Variants in SPRYD7 observed in about 807,000 individuals in gnomAD.
The protein encoded by SPRYD7 is SPRY domain containing 7.
In SPRYD7, 14 loss-of-function variants were observed where a neutral mutation model predicts 23.8. That is an observed-to-expected ratio of 0.59 (90% CI 0.39 to 0.92). The LOEUF is 0.92. SPRYD7 is among the 40% of genes least tolerant of loss of function. The pLI, the probability that SPRYD7 is intolerant of heterozygous loss-of-function variation, is 0.00. For missense variants in SPRYD7, 194 were observed against 241.7 expected (o/e 0.80, Z 1.31); for synonymous variants, 75 against 84.9 (o/e 0.88, Z 0.64).
intron 1 of SPRYD7, among the ~76,000 whole-genome samples, chr13:49,934,893 T>C (rs1279934763): frequency 6.6e-6 from 1 of 152,248 alleles, no homozygotes; most frequent in Non-Finnish European, 1.5e-5. Flanking sequence ...TGCCACCTGA[T>C]AATTGCTTAA....
chr13:49,922,619 T>C (rs1439464080), intron 3 of SPRYD7, among the ~76,000 whole-genome samples: 1 of 152,166 alleles, frequency 6.6e-6, no homozygotes. Context: ...CTTTAAACAC[T>C]TGCTCTTAAT....
intron 4 of SPRYD7, among the ~76,000 whole-genome samples, chr13:49,917,863 A>T (rs1289069898): frequency 1.3e-5 from 2 of 152,230 alleles, no homozygotes; most frequent in African/African-American, 4.8e-5. Context: ...GTTTTAAAAC[A>T]CACATTTACA....
At chr13:49,927,851 C>A (rs1419006542) in intron 3 of SPRYD7, 68 bp downstream of exon 3, 3 of 1,534,092 alleles carry the variant, frequency 2.0e-6, no homozygotes, top group Non-Finnish European at 2.7e-6. Context: ...CCAGACAAAG[C>A]TGTAGATACT....
chr13:49,933,329 G>A (rs1026582815), intron 1 of SPRYD7, among the ~76,000 whole-genome samples: 1 of 152,160 alleles, frequency 6.6e-6, no homozygotes, highest in African/African-American at 2.4e-5. Context: ...GGCCAGGCGA[G>A]GTGGCTAACA....
At chr13:49,926,249 T>A (rs1221123393) in intron 3 of SPRYD7, among the ~76,000 whole-genome samples, 1 of 152,248 alleles carries the variant, frequency 6.6e-6, no homozygotes, top group Non-Finnish European at 1.5e-5. Context: ...TCTGTCACAC[T>A]GTGCTATCAG....
At chr13:49,916,591 C>T (rs1955754268) in intron 4 of SPRYD7, among the ~76,000 whole-genome samples, 1 of 150,662 alleles carries the variant, frequency 6.6e-6, no homozygotes, top group African/African-American at 2.4e-5. Context: ...ACATGTACCC[C>T]CGAACCTAAA....
At chr13:49,936,040 A>G in intron 1 of SPRYD7, 90 bp downstream of exon 1, 5 of 442,090 alleles carry the variant, frequency 1.1e-5, no homozygotes, top group East Asian at 8.1e-5. Flanking sequence ...GCGGCGGGGC[A>G]GCGTGGGGAC....
intron 4 of SPRYD7, among the ~76,000 whole-genome samples, chr13:49,915,899 A>G (rs970464209): frequency 6.6e-6 from 1 of 152,244 alleles, no homozygotes; most frequent in African/African-American, 2.4e-5. Flanking sequence ...TACAGCATAA[A>G]TGAATCTTCA....
intron 2 of SPRYD7, among the ~76,000 whole-genome samples, chr13:49,928,414 C>G (rs1014520628): frequency 6.6e-6 from 1 of 152,142 alleles, no homozygotes; most frequent in African/African-American, 2.4e-5. Flanking sequence ...TGCACTCCAG[C>G]CTGAGCGACA....
intron 4 of SPRYD7, among the ~76,000 whole-genome samples, chr13:49,917,173 G>A (rs184350299): frequency 2.1e-4 from 32 of 151,918 alleles, no homozygotes; most frequent in Admixed American, 7.9e-4. Flanking sequence ...GCATGATCTC[G>A]GCTCACTGCA....
intron 3 of SPRYD7, 102 bp from the exon 4 acceptor site, chr13:49,921,682 A>G: frequency 2.9e-6 from 2 of 685,340 alleles, no homozygotes; most frequent in South Asian, 3.5e-5. Flanking sequence ...GCTGACAACA[A>G]TTTTCATTAA....
At chr13:49,921,614 G>T in intron 3 of SPRYD7, 34 bp from the exon 4 acceptor site, 2 of 1,350,494 alleles carry the variant, frequency 1.5e-6, no homozygotes, top group Non-Finnish European at 2.1e-6. Flanking sequence ...TTCCATAAAA[G>T]CTGAGCCGTC....
Position 49,914,859 on chromosome 13 carries a change from C to T in SPRYD7, c.*204G>A. The T allele has an allele frequency of 6.9e-6, 2 of 291,628 alleles. No homozygotes were observed. Among genetic ancestry groups the T allele is most frequent in the Non-Finnish European group, 1.3e-5 (2 of 151,362 alleles). The allele number at this position is 291,628 out of a possible 1,614,324, so 18.1% of individuals were successfully genotyped here. On this transcript the variant is annotated 3_prime_UTR_variant, in exon 5 of 5. Coordinates refer to ENST00000361840, the MANE Select transcript of SPRYD7 (RefSeq NM_020456.4). ...ATTTAAATAAGAATTAAATAAACTGCCCAAATGCTTATTTTCATTTCACAA... is the reference window on the plus strand; with the variant it reads ...ATTTAAATAAGAATTAAATAAACTGTCCAAATGCTTATTTTCATTTCACAA...
intron 3 of SPRYD7, among the ~76,000 whole-genome samples, chr13:49,923,512 G>A (rs1955843183): frequency 6.6e-6 from 1 of 152,228 alleles, no homozygotes; most frequent in Non-Finnish European, 1.5e-5. Flanking sequence ...CCAAAATGCG[G>A]AGATTACAGG....
At position 49,914,227 on chromosome 13, in the gene SPRYD7, T is replaced by G. The variant is rs1169229869; in HGVS notation, c.*836A>C. 2 of 153,810 alleles carry G rather than the reference T, an allele frequency of 1.3e-5. No individual in the cohort carries two copies. The highest frequency in any genetic ancestry group is 4.8e-5 in the African/African-American group (2 of 41,480). 9.5% of individuals were successfully genotyped at this position (153,810 alleles called of 1,614,324 possible). ...ATAATCACGGGTGATGTGAATTTAG[T>G]GTATAACTAACAAAATAGGAAGAAT... On this transcript the variant is annotated 3_prime_UTR_variant, in exon 5 of 5. Transcript: ENST00000361840.
At chr13:49,923,393 G>A (rs908969507) in intron 3 of SPRYD7, among the ~76,000 whole-genome samples, 20 of 152,090 alleles carry the variant, frequency 1.3e-4, no homozygotes, top group African/African-American at 3.9e-4. Flanking sequence ...ACAGGCGCCC[G>A]CCACCATGCC....
Position 49,931,009 on chromosome 13 carries a change from T to C in SPRYD7, c.223+9A>G. On this transcript the variant is annotated intron_variant, in intron 2 of 4. Transcript: ENST00000361840. Reference sequence around the variant, plus strand: ...AGGACTTTTAATAGTAAAGTACCATTATACCAACCTGTGGACTGGATTTTG... The same window carrying C: ...AGGACTTTTAATAGTAAAGTACCATCATACCAACCTGTGGACTGGATTTTG... The C allele has an allele frequency of 1.3e-6, 2 of 1,571,878 alleles. No individual in the cohort carries two copies. The highest frequency in any genetic ancestry group is 1.7e-6 in the Non-Finnish European group (2 of 1,146,744).
intron 3 of SPRYD7, among the ~76,000 whole-genome samples, chr13:49,923,510 C>T (rs1594512749): frequency 2.0e-5 from 3 of 152,198 alleles, no homozygotes; most frequent in Admixed American, 2.0e-4. Flanking sequence ...TCCCAAAATG[C>T]GGAGATTACA....
chr13:49,915,945 GA>G (rs1025305865), intron 4 of SPRYD7, among the ~76,000 whole-genome samples: 5 of 152,130 alleles, frequency 3.3e-5, no homozygotes, highest in African/African-American at 1.2e-4. Context: ...CAGACCAAAA[GA>G]AAAGACCATA....
Sources: gnomAD v4.1 joint callset for allele counts (sites outside exome capture counted in the v4.1 genomes callset) on GRCh38, gnomAD v4.1.1 for gene constraint, MANE v1.5 for transcripts, NCBI Gene and HGNC (gene_info 2026-07-23, HGNC 2026-07-21) for gene names.